The following SEZ6L variants were observed in gnomAD, a reference collection of about 807,000 sequenced individuals.
The protein encoded by SEZ6L is seizure related 6 homolog like.
A neutral mutation model predicts 106.2 loss-of-function variants in SEZ6L; 37 were observed. That is an observed-to-expected ratio of 0.35 (90% CI 0.27 to 0.46). The LOEUF (loss-of-function observed/expected upper bound fraction) is 0.46, where lower values mean the gene tolerates loss of function less well. SEZ6L is among the 20% of genes least tolerant of loss of function. SEZ6L has a pLI of 1.00. For synonymous variants in SEZ6L, 541 were observed against 570.4 expected (o/e 0.95, Z 0.73); for missense variants, 1,172 against 1,332.8 (o/e 0.88, Z 1.88).
intron 12 of SEZ6L, among the ~76,000 whole-genome samples, chr22:26,361,603 T>G (rs1366640330): frequency 6.6e-6 from 1 of 151,418 alleles, no homozygotes; most frequent in Admixed American, 6.6e-5. Context: ...GCCATAAAAA[T>G]AATCAGTGTA....
At chr22:26,284,792 T>C (rs1048172863) in intron 1 of SEZ6L, among the ~76,000 whole-genome samples, 4 of 152,136 alleles carry the variant, frequency 2.6e-5, no homozygotes, top group Non-Finnish European at 5.9e-5. Context: ...GAAATAATTA[T>C]TTGAAGATGT....
chr22:26,219,373 T>A (rs1325328722), intron 1 of SEZ6L, among the ~76,000 whole-genome samples: 1 of 151,770 alleles, frequency 6.6e-6, no homozygotes, highest in Non-Finnish European at 1.5e-5. Flanking sequence ...TGCCTTTTTA[T>A]TTTTTTTGTT....
At chr22:26,298,881 CTCATCT>C (rs2081372949) in intron 4 of SEZ6L, 97 bp from the exon 5 acceptor site, 1 of 1,117,184 alleles carries the variant, frequency 9.0e-7, no homozygotes, top group Non-Finnish European at 1.2e-6. Context: ...CCCCAGGGGC[CTCATCT>C]TCTCTCCCCA....
intron 1 of SEZ6L, among the ~76,000 whole-genome samples, chr22:26,193,956 C>G (rs779486069): frequency 1.1e-4 from 16 of 152,102 alleles, no homozygotes; most frequent in Admixed American, 1.3e-4. Flanking sequence ...TGTGTATAAA[C>G]AATTTTGACA....
intron 12 of SEZ6L, among the ~76,000 whole-genome samples, chr22:26,360,416 G>A (rs952915315): frequency 6.6e-6 from 1 of 152,206 alleles, no homozygotes; most frequent in Non-Finnish European, 1.5e-5. Flanking sequence ...GTTACATGAA[G>A]GCAGGGACCA....
At chr22:26,328,096 C>T (rs2082375257) in intron 9 of SEZ6L, among the ~76,000 whole-genome samples, 2 of 152,182 alleles carry the variant, frequency 1.3e-5, no homozygotes, top group South Asian at 4.1e-4. Context: ...CATGCAGTGG[C>T]TTGGTCATGG....
intron 1 of SEZ6L, among the ~76,000 whole-genome samples, chr22:26,239,910 C>T (rs568061403): frequency 2.0e-5 from 3 of 152,060 alleles, no homozygotes; most frequent in South Asian, 2.1e-4. Context: ...CCCCCACAAC[C>T]GCACACAGCC....
At chr22:26,307,948 T>G (rs903062971) in intron 6 of SEZ6L, among the ~76,000 whole-genome samples, 2 of 152,134 alleles carry the variant, frequency 1.3e-5, no homozygotes, top group East Asian at 3.8e-4. Flanking sequence ...CCTGCAAAGA[T>G]CTGCATGAGC....
chr22:26,365,709 A>G (rs953747763), intron 13 of SEZ6L, 143 bp downstream of exon 13: 6 of 638,326 alleles, frequency 9.4e-6, no homozygotes, highest in Non-Finnish European at 1.3e-5. Context: ...CCCCATCTCT[A>G]CCAAAAAAAA....
At chr22:26,272,328 A>C (rs2080395765) in intron 1 of SEZ6L, among the ~76,000 whole-genome samples, 1 of 152,202 alleles carries the variant, frequency 6.6e-6, no homozygotes, top group Admixed American at 6.5e-5. Flanking sequence ...TTTATGAAAA[A>C]CATGAAAAGA....
chr22:26,198,312 TA>T, intron 1 of SEZ6L, among the ~76,000 whole-genome samples: 1 of 152,184 alleles, frequency 6.6e-6, no homozygotes, highest in East Asian at 1.9e-4. Context: ...ATAATACATG[TA>T]AAAGTACTTC....
intron 12 of SEZ6L, among the ~76,000 whole-genome samples, chr22:26,361,520 A>T (rs663713): frequency 0.38 from 46,512 of 123,590 alleles, 8,993 homozygotes; most frequent in Middle Eastern, 0.5. Context: ...AAAAAAAAAA[A>T]ATATATATAT....
intron 1 of SEZ6L, among the ~76,000 whole-genome samples, chr22:26,275,783 A>G (rs1200734547): frequency 2.0e-5 from 3 of 152,186 alleles, no homozygotes; most frequent in Non-Finnish European, 4.4e-5. Context: ...TCTGGCTGTC[A>G]GCTACCTTTG....
chr22:26,310,901 C>T (rs2081805813), intron 7 of SEZ6L, 65 bp downstream of exon 7: 2 of 1,510,272 alleles, frequency 1.3e-6, no homozygotes, highest in African/African-American at 1.4e-5. Flanking sequence ...GCAGGGAAAG[C>T]ATGGGGAGAT....
intron 1 of SEZ6L, among the ~76,000 whole-genome samples, chr22:26,217,331 T>C (rs1228372165): frequency 6.6e-6 from 1 of 152,238 alleles, no homozygotes; most frequent in Non-Finnish European, 1.5e-5. Flanking sequence ...AATCAGGTCC[T>C]GGCTATCTTC....
At chr22:26,283,236 T>G (rs1366494853) in intron 1 of SEZ6L, among the ~76,000 whole-genome samples, 1 of 152,148 alleles carries the variant, frequency 6.6e-6, no homozygotes, top group Non-Finnish European at 1.5e-5. Context: ...CGACTTCTAG[T>G]ATGCCCTCCT....
intron 1 of SEZ6L, among the ~76,000 whole-genome samples, chr22:26,199,709 T>C (rs1940803962): frequency 6.6e-6 from 1 of 152,212 alleles, no homozygotes. Context: ...AGCAGTTTGG[T>C]GAATTCCCTT....
intron 9 of SEZ6L, among the ~76,000 whole-genome samples, chr22:26,332,027 T>C (rs550503495): frequency 6.6e-6 from 1 of 152,074 alleles, no homozygotes; most frequent in South Asian, 2.1e-4. Context: ...ATGTCTGTAA[T>C]ACAAAAATCA....
chr22:26,293,260 G>C (rs552535084), intron 2 of SEZ6L, 114 bp downstream of exon 2: 3 of 1,373,688 alleles, frequency 2.2e-6, no homozygotes, highest in Non-Finnish European at 2.9e-6. Flanking sequence ...ATCAGTTACC[G>C]TCCATTGAGC....
Sources: allele counts gnomAD v4.1 joint callset (sites outside exome capture counted in the v4.1 genomes callset), GRCh38; gene constraint gnomAD v4.1.1; transcripts MANE v1.5; gene names NCBI Gene and HGNC (gene_info 2026-07-23, HGNC 2026-07-21).